Variants in GALNT16 observed in about 807,000 individuals in gnomAD.
GALNT16 encodes UDP-GalNAc:polypeptide N-acetylgalactosaminyltransferase-like protein 1.
GALNT16 carries 40 observed loss-of-function variants against 76.1 expected under a neutral mutation model. That is an observed-to-expected ratio of 0.53 (90% CI 0.41 to 0.68). The LOEUF (loss-of-function observed/expected upper bound fraction) is 0.68, where lower values mean the gene tolerates loss of function less well. Among genes scored for constraint, GALNT16 ranks in the 30% least tolerant of loss-of-function variants. The pLI is 0.00. For missense variants in GALNT16, 621 were observed against 731.9 expected, an observed-to-expected ratio of 0.85 and a Z score of 1.75; for synonymous variants, 276 against 285.2, an observed-to-expected ratio of 0.97 and a Z score of 0.32.
At chr14:69,325,232 G>T in intron 3 of GALNT16, 105 bp from the exon 4 acceptor site, 3 of 769,490 alleles carry the variant, frequency 3.9e-6, no homozygotes, top group Non-Finnish European at 4.8e-6. Context: ...CCAGCATGCT[G>T]GCCCTGGAGC....
chr14:69,337,007 G>A (rs7159087), intron 9 of GALNT16, among the ~76,000 whole-genome samples: 47,320 of 152,122 alleles, frequency 0.31, 7,490 homozygotes, highest in Middle Eastern at 0.39. Flanking sequence ...GATCACAGGC[G>A]TGAACCACCG....
chr14:69,325,497 CCAT>C, intron 4 of GALNT16, 93 bp downstream of exon 4: 1 of 804,384 alleles, frequency 1.2e-6, no homozygotes, highest in Non-Finnish European at 2.2e-6. Context: ...GTTGTCCTGA[CCAT>C]CGCAGACACC....
Position 69,324,681 on chromosome 14 carries a change from T to C in GALNT16, c.336-11T>C, listed in dbSNP as rs1010570964. 4 of 1,562,390 alleles carry C rather than the reference T, an allele frequency of 2.6e-6. No individual in the cohort carries two copies. In the African/African-American group the frequency reaches 4.1e-5, roughly 16 times the overall value. ...TCATGGCTGGCTCTGACCTCTGTGC[T>C]CCCTTCTCAGCTGCCCATCTGTGTC... On this transcript the variant is annotated splice_polypyrimidine_tract_variant and intron_variant, in intron 2 of 14. Transcript: ENST00000448469.
the GALNT16 span, among the ~76,000 whole-genome samples, chr14:69,371,478 G>A: frequency 1.3e-5 from 2 of 151,154 alleles, no homozygotes; most frequent in Non-Finnish European, 1.5e-5. Context: ...GGATGGTCTC[G>A]GTCTCCTGAC....
chr14:69,334,302 G>A (rs973635827), intron 9 of GALNT16, among the ~76,000 whole-genome samples: 7 of 152,196 alleles, frequency 4.6e-5, no homozygotes, highest in Admixed American at 3.9e-4. Context: ...CTCAGCTCAC[G>A]GTGTTGGGGC....
chr14:69,273,701 A>C (rs982822751), intron 1 of GALNT16, among the ~76,000 whole-genome samples: 2 of 152,184 alleles, frequency 1.3e-5, no homozygotes, highest in African/African-American at 4.8e-5. Context: ...AGCTAAGGAG[A>C]TGTGTGACAT....
At position 69,260,196 on chromosome 14, in the gene GALNT16, G is replaced by C. The variant is rs1364295973; in HGVS notation, c.-95G>C. 3.2e-6 allele frequency: 2 copies of C among 632,412 alleles called. No individual in the cohort carries two copies. Among genetic ancestry groups the C allele is most frequent in the African/African-American group, 2.0e-5 (1 of 49,688 alleles). 39.2% of individuals were successfully genotyped at this position (632,412 alleles called of 1,614,324 possible). ...TCTGCAGGACTGAGCAGCTAGGCGC[G>C]AGCGAAAACAAACAGCTGGGGCTGC... On this transcript the variant is annotated 5_prime_UTR_variant, in exon 1 of 15. Transcript: ENST00000448469.
At chr14:69,383,587 T>C in the GALNT16 span, among the ~76,000 whole-genome samples, 2 of 152,330 alleles carry the variant, frequency 1.3e-5, no homozygotes, top group East Asian at 1.9e-4. Context: ...TCTGAAAGTT[T>C]TTCAGAGGCC....
intron 1 of GALNT16, among the ~76,000 whole-genome samples, chr14:69,275,371 G>GTA (rs138838697): frequency 0.043 from 6,460 of 151,928 alleles, 204 homozygotes; most frequent in Non-Finnish European, 0.067. Flanking sequence ...AAATTGATCA[G>GTA]TATATATATA....
intron 1 of GALNT16, among the ~76,000 whole-genome samples, chr14:69,289,437 C>T (rs1185149576): frequency 6.6e-6 from 1 of 152,150 alleles, no homozygotes; most frequent in African/African-American, 2.4e-5. Flanking sequence ...GGCTTCAGCT[C>T]GCTGGAAGGT....
intron 1 of GALNT16, among the ~76,000 whole-genome samples, chr14:69,265,821 G>A (rs535067275): frequency 1.3e-5 from 2 of 152,246 alleles, no homozygotes; most frequent in East Asian, 1.9e-4. Flanking sequence ...CTCTGAAAAC[G>A]GTGTCAAGTG....
At chr14:69,320,022 C>G (rs985261418) in intron 1 of GALNT16, among the ~76,000 whole-genome samples, 4 of 152,274 alleles carry the variant, frequency 2.6e-5, no homozygotes, top group African/African-American at 9.6e-5. Context: ...TTGGCAGCAT[C>G]CATTCTGGTT....
intron 1 of GALNT16, among the ~76,000 whole-genome samples, chr14:69,313,218 G>A (rs902250010): frequency 2.0e-5 from 3 of 152,240 alleles, no homozygotes; most frequent in African/African-American, 4.8e-5. Flanking sequence ...GAAGGATCAG[G>A]TAGGGCTTTT....
chr14:69,276,293 G>C (rs2044470336), intron 1 of GALNT16, among the ~76,000 whole-genome samples: 1 of 152,210 alleles, frequency 6.6e-6, no homozygotes, highest in Non-Finnish European at 1.5e-5. Context: ...GGAGAAGGAT[G>C]GGAGAGAGGA....
At chr14:69,270,988 G>A (rs555947605) in intron 1 of GALNT16, among the ~76,000 whole-genome samples, 19 of 152,160 alleles carry the variant, frequency 1.2e-4, no homozygotes, top group African/African-American at 4.1e-4. Flanking sequence ...CAAACACACC[G>A]CAGGGACCAG....
chr14:69,320,759 G>T lies in GALNT16; in HGVS notation c.226G>T (p.Ala76Ser). 6.2e-7 allele frequency: 1 copy of T among 1,614,146 alleles called. No homozygotes were observed. The highest frequency in any genetic ancestry group is 8.5e-7 in the Non-Finnish European group (1 of 1,180,010). Reference sequence around the variant, plus strand: ...CTTTGATGAGAAGGCCTACCTGTCGGCCAAGCAGCTGAAGGCTGGAGAGGA... The same window carrying T: ...CTTTGATGAGAAGGCCTACCTGTCGTCCAAGCAGCTGAAGGCTGGAGAGGA... The part of the protein sequence containing the change: ...KGFDEKAYLS[A>S]KQLKAGEDPY... The change falls in exon 2 of 15, where the codon GCC becomes TCC. Residue 76 changes from alanine (A) to serine (S), a missense_variant. By Grantham distance (99) the Ala-to-Ser change is moderately conservative. Transcript: ENST00000448469.
the GALNT16 span, among the ~76,000 whole-genome samples, chr14:69,382,789 C>CAAAAAAAAAAAAAAAAAA: frequency 6.8e-5 from 7 of 103,166 alleles, no homozygotes; most frequent in African/African-American, 2.6e-4. Context: ...ACTCTATCTC[C>CAAAAAAAAAAAAAAAAAA]AAAAGAAAAA....
the GALNT16 span, among the ~76,000 whole-genome samples, chr14:69,366,156 A>T: frequency 2.6e-5 from 4 of 152,196 alleles, no homozygotes; most frequent in African/African-American, 9.7e-5. Flanking sequence ...GTAGTGATGT[A>T]AGATTTCACA....
intron 1 of GALNT16, among the ~76,000 whole-genome samples, chr14:69,264,815 C>CTTTTTTTTTTT (rs1436985515): frequency 4.4e-5 from 2 of 44,956 alleles, no homozygotes. Context: ...TTTTCTTTTT[C>CTTTTTTTTTTT]TTTCTTTTTT....
Sources: allele counts gnomAD v4.1 joint callset (sites outside exome capture counted in the v4.1 genomes callset), GRCh38; gene constraint gnomAD v4.1.1; transcripts MANE v1.5; gene names NCBI Gene and HGNC (gene_info 2026-07-23, HGNC 2026-07-21).